Variants in ERBB4 observed in about 807,000 individuals in gnomAD.
ERBB4 encodes erb-b2 receptor tyrosine kinase 4.
In ERBB4, 42 loss-of-function variants were observed where a neutral mutation model predicts 158.0. That is an observed-to-expected ratio of 0.27 (90% CI 0.21 to 0.34). The LOEUF (loss-of-function observed/expected upper bound fraction) is 0.34, where lower values mean the gene tolerates loss of function less well. ERBB4 is among the 10% of genes least tolerant of loss of function. The pLI is 1.00. For missense variants in ERBB4, 1,333 were observed against 1,624.1 expected, an observed-to-expected ratio of 0.82 and a Z score of 3.08; for synonymous variants, 583 against 558.7, an observed-to-expected ratio of 1.04 and a Z score of -0.61.
At chr2:212,497,071 G>A (rs113213107) in intron 1 of ERBB4, among the ~76,000 whole-genome samples, 6,757 of 151,240 alleles carry the variant, frequency 0.045, 503 homozygotes, top group African/African-American at 0.15. Flanking sequence ...CCAGCTACTC[G>A]GAAGGCTGAG....
At chr2:211,429,025 T>TA (rs58311450) in intron 21 of ERBB4, among the ~76,000 whole-genome samples, 2 of 151,560 alleles carry the variant, frequency 1.3e-5, no homozygotes, top group East Asian at 1.9e-4. Context: ...CTTATTTTTT[T>TA]AAAAAAAAAG....
chr2:211,800,131 C>A (rs1448410912), intron 3 of ERBB4, among the ~76,000 whole-genome samples: 1 of 152,118 alleles, frequency 6.6e-6, no homozygotes, highest in Non-Finnish European at 1.5e-5. Context: ...AAGCAAGTTG[C>A]CAAATGCCTC....
chr2:211,818,566 T>G (rs2105935126), intron 3 of ERBB4, among the ~76,000 whole-genome samples: 1 of 152,194 alleles, frequency 6.6e-6, no homozygotes, highest in East Asian at 1.9e-4. Flanking sequence ...TCCTATCTAC[T>G]TATGTTTAAG....
chr2:211,917,788 G>A (rs955178633), intron 3 of ERBB4, among the ~76,000 whole-genome samples: 5 of 152,196 alleles, frequency 3.3e-5, no homozygotes, highest in African/African-American at 4.8e-5. Context: ...TGATTGCACT[G>A]ATGGGTTTTG....
At chr2:212,085,134 G>A (rs1423528488) in intron 2 of ERBB4, among the ~76,000 whole-genome samples, 1 of 151,796 alleles carries the variant, frequency 6.6e-6, no homozygotes, top group Non-Finnish European at 1.5e-5. Context: ...CTTTAAAAAT[G>A]TGCATGCCCT....
At chr2:212,407,714 G>A (rs561602593) in intron 1 of ERBB4, among the ~76,000 whole-genome samples, 1 of 152,132 alleles carries the variant, frequency 6.6e-6, no homozygotes, top group South Asian at 2.1e-4. Context: ...GCAGTACAAA[G>A]TTACTTCAAT....
chr2:211,736,349 G>A (rs1254724079), intron 5 of ERBB4, among the ~76,000 whole-genome samples: 1 of 152,132 alleles, frequency 6.6e-6, no homozygotes, highest in African/African-American at 2.4e-5. Context: ...CCTAATCAGT[G>A]CAAGAGCATT....
intron 3 of ERBB4, among the ~76,000 whole-genome samples, chr2:211,899,944 A>G (rs1365252527): frequency 6.6e-6 from 1 of 152,134 alleles, no homozygotes; most frequent in African/African-American, 2.4e-5. Context: ...ACTTAACCAA[A>G]CTTATAAACT....
intron 2 of ERBB4, among the ~76,000 whole-genome samples, chr2:211,976,884 C>T (rs562658826): frequency 6.6e-6 from 1 of 152,206 alleles, no homozygotes; most frequent in East Asian, 1.9e-4. Context: ...AATAAACAGA[C>T]TGAAGGAGTA....
At chr2:211,840,576 T>C (rs1376029233) in intron 3 of ERBB4, among the ~76,000 whole-genome samples, 1 of 152,078 alleles carries the variant, frequency 6.6e-6, no homozygotes, top group African/African-American at 2.4e-5. Context: ...TTAAAAAAGG[T>C]TCTTCAGAAC....
intron 16 of ERBB4, among the ~76,000 whole-genome samples, chr2:211,654,202 T>G (rs758190212): frequency 6.6e-6 from 1 of 152,164 alleles, no homozygotes; most frequent in Non-Finnish European, 1.5e-5. Flanking sequence ...TTACCCAATC[T>G]GCATCAAAAT....
At chr2:212,354,380 G>A (rs1387322907) in intron 1 of ERBB4, among the ~76,000 whole-genome samples, 1 of 152,066 alleles carries the variant, frequency 6.6e-6, no homozygotes, top group African/African-American at 2.4e-5. Flanking sequence ...GCCAAAGCCT[G>A]AGCATGAGGG....
intron 1 of ERBB4, among the ~76,000 whole-genome samples, chr2:212,361,650 T>C (rs2089690772): frequency 6.6e-6 from 1 of 151,694 alleles, no homozygotes; most frequent in Non-Finnish European, 1.5e-5. Flanking sequence ...AGTAGAACAA[T>C]AGTTAGGGCA....
At chr2:211,674,192 T>C (rs988615853) in intron 13 of ERBB4, among the ~76,000 whole-genome samples, 7 of 152,176 alleles carry the variant, frequency 4.6e-5, no homozygotes, top group African/African-American at 1.7e-4. Flanking sequence ...AAATCATTAA[T>C]AAAATTTGAC....
intron 1 of ERBB4, among the ~76,000 whole-genome samples, chr2:212,138,622 T>C (rs2080348490): frequency 6.6e-6 from 1 of 152,168 alleles, no homozygotes. Context: ...TTACCCAGTC[T>C]CAGGCATTCA....
chr2:211,422,554 T>A (rs1461920929), intron 23 of ERBB4, among the ~76,000 whole-genome samples: 5 of 151,540 alleles, frequency 3.3e-5, no homozygotes, highest in Non-Finnish European at 5.9e-5. Context: ...AGACATTAGC[T>A]TATCTTAGTA....
intron 1 of ERBB4, among the ~76,000 whole-genome samples, chr2:212,479,641 G>GA (rs907742989): frequency 6.6e-6 from 1 of 152,104 alleles, no homozygotes; most frequent in East Asian, 1.9e-4. Context: ...AACAGCATCT[G>GA]AACTAGAACC....
At chr2:211,668,456 A>G (rs528231248) in intron 14 of ERBB4, among the ~76,000 whole-genome samples, 1 of 152,300 alleles carries the variant, frequency 6.6e-6, no homozygotes, top group Admixed American at 6.5e-5. Context: ...GGCACAATAA[A>G]TGAATTGATC....
At chr2:211,868,037 T>C (rs930215559) in intron 3 of ERBB4, among the ~76,000 whole-genome samples, 7 of 152,242 alleles carry the variant, frequency 4.6e-5, no homozygotes, top group Non-Finnish European at 1.0e-4. Context: ...GATTCTACTA[T>C]GATATCCAAG....
Sources: gnomAD v4.1 joint callset for allele counts (sites outside exome capture counted in the v4.1 genomes callset) on GRCh38, gnomAD v4.1.1 for gene constraint, MANE v1.5 for transcripts, NCBI Gene and HGNC (gene_info 2026-07-23, HGNC 2026-07-21) for gene names.